CLASP1: variants seen among roughly 807,000 people sequenced by gnomAD.
CLASP1 encodes the protein cytoplasmic linker associated protein 1, also known as CLIP-associating protein 1.
CLASP1 carries 38 observed loss-of-function variants against 192.3 expected under a neutral mutation model. The observed-to-expected ratio is 0.20, with a 90% CI of 0.15 to 0.26. CLASP1 has a LOEUF of 0.26. Among genes scored for constraint, CLASP1 ranks in the 10% least tolerant of loss-of-function variants. The pLI, the probability that CLASP1 is intolerant of heterozygous loss-of-function variation, is 1.00. For synonymous variants in CLASP1, 691 were observed against 712.8 expected, an observed-to-expected ratio of 0.97 and a Z score of 0.49; for missense variants, 1,433 against 1,932.5, an observed-to-expected ratio of 0.74 and a Z score of 4.85.
intron 33 of CLASP1, among the ~76,000 whole-genome samples, chr2:121,380,850 C>T (rs1324524367): frequency 6.6e-6 from 1 of 152,098 alleles, no homozygotes; most frequent in Admixed American, 6.5e-5. Flanking sequence ...TGAGTTAGGT[C>T]AATATGTATC....
chr2:121,472,506 G>A (rs1288055351), intron 8 of CLASP1, among the ~76,000 whole-genome samples: 1 of 152,144 alleles, frequency 6.6e-6, no homozygotes. Flanking sequence ...TCTGCCTGGA[G>A]GTGTTAATAA....
In CLASP1 at chr2:121,524,749, G is replaced by A. The variant is rs139713454; in HGVS notation, c.546+1096C>T. Among the ~76,000 whole-genome samples, 636 of 152,240 alleles carry A rather than the reference G, an allele frequency of 4.2e-3. 3 individuals are homozygous for A. Among genetic ancestry groups the A allele is most frequent in the African/African-American group, 0.015 (617 of 41,542 alleles). On this transcript the variant is annotated intron_variant, in intron 6 of 39. Transcript: ENST00000263710. ...TGGGATTACTGGCATGAGCCACCAC[G>A]TGCCCGGCCTAATGCTATATATTTT...
chr2:121,609,381 G>A (rs1261871822), intron 1 of CLASP1, among the ~76,000 whole-genome samples: 1 of 152,198 alleles, frequency 6.6e-6, no homozygotes, highest in African/African-American at 2.4e-5. Context: ...TCAACGAAAT[G>A]CAAAGAATGA....
chr2:121,478,873 A>C (rs1575279266), intron 8 of CLASP1, among the ~76,000 whole-genome samples: 1 of 72,554 alleles, frequency 1.4e-5, no homozygotes, highest in African/African-American at 6.0e-5. Flanking sequence ...CACACACACC[A>C]CACCACACAC....
At chr2:121,581,260 CTTTTTTTTTTTTT>C (rs60345742) in intron 2 of CLASP1, among the ~76,000 whole-genome samples, 9 of 57,668 alleles carry the variant, frequency 1.6e-4, no homozygotes, top group East Asian at 1.2e-3. Flanking sequence ...GCCTTTTGTT[CTTTTTTTTTTTTT>C]TTTTTTTTTT....
chr2:121,378,288 T>C (rs1278639876), intron 33 of CLASP1, among the ~76,000 whole-genome samples: 1 of 152,174 alleles, frequency 6.6e-6, no homozygotes, highest in African/African-American at 2.4e-5. Context: ...CATGCTTCTG[T>C]TTGGAGTTTT....
At chr2:121,351,311 T>C (rs902528027) in intron 37 of CLASP1, among the ~76,000 whole-genome samples, 3 of 152,194 alleles carry the variant, frequency 2.0e-5, no homozygotes, top group Non-Finnish European at 4.4e-5. Context: ...TCTGTTCCTC[T>C]GTCTGTGACA....
chr2:121,547,405 T>G (rs1319952580), intron 2 of CLASP1, among the ~76,000 whole-genome samples: 3 of 151,346 alleles, frequency 2.0e-5, no homozygotes, highest in Admixed American at 6.6e-5. Context: ...CCCCTACTCT[T>G]CACCAGGCAG....
At chr2:121,419,064 AT>A (rs1326649603) in intron 22 of CLASP1, among the ~76,000 whole-genome samples, 1 of 152,234 alleles carries the variant, frequency 6.6e-6, no homozygotes, top group Non-Finnish European at 1.5e-5. Flanking sequence ...TTTAGAAACG[AT>A]CAGTTTTTAT....
At chr2:121,605,621 A>C in intron 2 of CLASP1, 80 bp downstream of exon 2, 1 of 991,164 alleles carries the variant, frequency 1.0e-6, no homozygotes, top group Non-Finnish European at 1.6e-6. Flanking sequence ...ACTGCTCACA[A>C]GGGATTTTTA....
intron 37 of CLASP1, among the ~76,000 whole-genome samples, chr2:121,349,132 C>T (rs866913748): frequency 4.6e-5 from 7 of 151,572 alleles, no homozygotes; most frequent in Non-Finnish European, 8.8e-5. Context: ...CCCAGCTACT[C>T]GGGAGGCTGA....
intron 6 of CLASP1, among the ~76,000 whole-genome samples, chr2:121,519,663 A>C (rs2094411796): frequency 6.6e-6 from 1 of 152,224 alleles, no homozygotes; most frequent in Non-Finnish European, 1.5e-5. Context: ...AATCAACACA[A>C]CGGCTAGTGT....
chr2:121,502,183 T>C (rs1186147477), intron 8 of CLASP1, among the ~76,000 whole-genome samples: 2 of 152,086 alleles, frequency 1.3e-5, no homozygotes, highest in East Asian at 3.8e-4. Context: ...GACATCAAAA[T>C]CATTACTTTA....
intron 2 of CLASP1, among the ~76,000 whole-genome samples, chr2:121,560,867 C>T (rs942920926): frequency 1.3e-5 from 2 of 152,128 alleles, no homozygotes; most frequent in African/African-American, 4.8e-5. Context: ...CCCAAGTAGC[C>T]AGGATTACAG....
At chr2:121,474,588 T>C (rs2091347856) in intron 8 of CLASP1, among the ~76,000 whole-genome samples, 1 of 152,068 alleles carries the variant, frequency 6.6e-6, no homozygotes, top group Non-Finnish European at 1.5e-5. Flanking sequence ...TACAAAAAAT[T>C]AGCCGGGCAT....
At chr2:121,574,648 A>C (rs1287617437) in intron 2 of CLASP1, among the ~76,000 whole-genome samples, 3 of 150,222 alleles carry the variant, frequency 2.0e-5, no homozygotes, top group Admixed American at 6.6e-5. Context: ...AAAAAAAAAA[A>C]AAAACAAAAA....
chr2:121,338,932 T>C (rs1352141239), exon 40 of CLASP1: 2 of 152,500 alleles, frequency 1.3e-5, no homozygotes, highest in South Asian at 2.1e-4. Flanking sequence ...AATTCACTTG[T>C]AGAGTGTAAA....
rs561887584 is a variant in CLASP1, at chr2:121,341,852, T to C, written c.4531-905A>G. On this transcript the variant is annotated intron_variant, in intron 39 of 39. Coordinates refer to ENST00000263710, the Ensembl canonical transcript of CLASP1. ...AGGGACACATTAAGTTTCAAATCTA[T>C]TGAAATTTAATTTGTGATTTAACAT... 4.6e-5 allele frequency among the ~76,000 whole-genome samples: 7 copies of C among 152,340 alleles called. No homozygotes were observed. In the South Asian group the frequency reaches 1.2e-3, roughly 27 times the overall value.
At chr2:121,527,864 G>A (rs2094612997) in exon 5 of CLASP1, 1 of 1,613,956 alleles carries the variant, frequency 6.2e-7, no homozygotes, top group Non-Finnish European at 8.5e-7. Context: ...TGTGTTTGAA[G>A]CCTCCAAGCA....
Sources: gnomAD v4.1 joint callset for allele counts (sites outside exome capture counted in the v4.1 genomes callset) on GRCh38, gnomAD v4.1.1 for gene constraint, MANE v1.5 for transcripts, NCBI Gene and HGNC (gene_info 2026-07-23, HGNC 2026-07-21) for gene names.